The following COQ8A variants were observed in gnomAD, a reference collection of about 807,000 sequenced individuals.
COQ8A encodes the protein coenzyme Q8A, also known as atypical kinase COQ8A, mitochondrial.
COQ8A carries 51 observed loss-of-function variants against 65.0 expected under a neutral mutation model. The observed-to-expected ratio is 0.78, with a 90% CI of 0.63 to 0.99. The LOEUF is 0.99. Ranked by LOEUF, COQ8A falls within the 50% of genes least tolerant of loss-of-function variation. The pLI, the probability that COQ8A is intolerant of heterozygous loss-of-function variation, is 0.00. For synonymous variants in COQ8A, 371 were observed against 353.2 expected, an observed-to-expected ratio of 1.05 and a Z score of -0.57; for missense variants, 940 against 875.0, an observed-to-expected ratio of 1.07 and a Z score of -0.94.
chr1:226,969,736 T>C (rs1658777288), intron 4 of COQ8A, among the ~76,000 whole-genome samples: 1 of 152,206 alleles, frequency 6.6e-6, no homozygotes, highest in African/African-American at 2.4e-5. Flanking sequence ...TTAATGCATA[T>C]CTATGAGCAG....
At chr1:226,940,952 C>A (rs896037775) in intron 1 of COQ8A, among the ~76,000 whole-genome samples, 3 of 152,118 alleles carry the variant, frequency 2.0e-5, no homozygotes, top group African/African-American at 7.2e-5. Context: ...CTTTTTGATC[C>A]TTTCTTCCTT....
intron 4 of COQ8A, 140 bp downstream of exon 4, chr1:226,965,877 C>G: frequency 1.2e-6 from 1 of 854,446 alleles, no homozygotes; most frequent in Non-Finnish European, 1.9e-6. Context: ...CCTGCATGAG[C>G]TTTTGGGGAG....
At chr1:226,966,292 T>C (rs950011658) in intron 4 of COQ8A, among the ~76,000 whole-genome samples, 6 of 152,066 alleles carry the variant, frequency 3.9e-5, no homozygotes, top group Non-Finnish European at 7.4e-5. Context: ...CTTTGGGGGG[T>C]TGAGTTGTCA....
intron 1 of COQ8A, among the ~76,000 whole-genome samples, chr1:226,960,203 TTGGTGG>T (rs757516723): frequency 1.4e-5 from 2 of 141,762 alleles, no homozygotes; most frequent in African/African-American, 2.7e-5. Flanking sequence ...GTGGTGGTAC[TTGGTGG>T]TGGTGGTGGT....
At chr1:226,982,238 G>C (rs1050149675) in intron 6 of COQ8A, 89 bp downstream of exon 6, 3 of 1,507,148 alleles carry the variant, frequency 2.0e-6, no homozygotes, top group African/African-American at 1.4e-5. Context: ...CCCCACCAAA[G>C]CTCAGTGGGC....
chr1:226,982,860 A>G, intron 7 of COQ8A, 34 bp from the exon 8 acceptor site: 4 of 1,612,588 alleles, frequency 2.5e-6, no homozygotes, highest in Non-Finnish European at 3.4e-6. Flanking sequence ...CAGGCAGGGC[A>G]TGCTCAGAGC....
intron 14 of COQ8A, among the ~76,000 whole-genome samples, chr1:226,986,045 G>T (rs1660088805): frequency 6.6e-6 from 1 of 152,218 alleles, no homozygotes; most frequent in Non-Finnish European, 1.5e-5. Flanking sequence ...TCCTTAGGTT[G>T]CTAGTTCCCG....
At chr1:226,960,977 A>G (rs1268579295) in intron 1 of COQ8A, among the ~76,000 whole-genome samples, 3 of 152,064 alleles carry the variant, frequency 2.0e-5, no homozygotes, top group East Asian at 1.9e-4. Context: ...TCCTCTCCCA[A>G]CAGGCAGTTT....
At position 226,944,520 on chromosome 1, in the gene COQ8A, G is replaced by T. The variant is rs188642123; in HGVS notation, c.-10+4121G>T. 2.1e-4 allele frequency among the ~76,000 whole-genome samples: 32 copies of T among 151,950 alleles called. 1 individual carries two copies. Among genetic ancestry groups the T allele is most frequent in the African/African-American group, 7.7e-4 (32 of 41,430 alleles). On this transcript the variant is annotated intron_variant, in intron 1 of 14. Coordinates refer to ENST00000366777, the MANE Select transcript of COQ8A (RefSeq NM_020247.5). The stretch of plus-strand genomic sequence containing the variant: ...GAGATTGGACAGAGGCAGGGGAAGG[G>T]TCTGAGAGATGTGGCCAAGAATGTG...
intron 1 of COQ8A, among the ~76,000 whole-genome samples, chr1:226,952,934 AGAT>A (rs1657475794): frequency 6.6e-6 from 1 of 152,188 alleles, no homozygotes; most frequent in African/African-American, 2.4e-5. Flanking sequence ...CCAAAAGGAA[AGAT>A]GATAGTTTTG....
chr1:226,954,035 G>T (rs1308640747), intron 1 of COQ8A, among the ~76,000 whole-genome samples: 1 of 152,234 alleles, frequency 6.6e-6, no homozygotes, highest in Non-Finnish European at 1.5e-5. Flanking sequence ...GAATGTTCAT[G>T]CCCAAAGTGA....
chr1:226,981,167 A>G (rs143564854), intron 5 of COQ8A, among the ~76,000 whole-genome samples: 39 of 152,320 alleles, frequency 2.6e-4, no homozygotes, highest in Admixed American at 5.2e-4. Context: ...AGGTGGAAAG[A>G]CTTGGAGCCC....
At chr1:226,967,655 A>G (rs1413386421) in intron 4 of COQ8A, among the ~76,000 whole-genome samples, 1 of 152,068 alleles carries the variant, frequency 6.6e-6, no homozygotes, top group Admixed American at 6.5e-5. Flanking sequence ...AAAGGTAGAG[A>G]GCTCTCCTCA....
At chr1:226,957,623 A>G (rs1236305176) in intron 1 of COQ8A, among the ~76,000 whole-genome samples, 1 of 152,094 alleles carries the variant, frequency 6.6e-6, no homozygotes, top group Non-Finnish European at 1.5e-5. Flanking sequence ...CCTCAGAGTA[A>G]AATTCCTTCC....
chr1:226,960,103 T>TTGG (rs765028878), intron 1 of COQ8A, among the ~76,000 whole-genome samples: 1 of 137,802 alleles, frequency 7.3e-6, no homozygotes, highest in African/African-American at 2.8e-5. Flanking sequence ...GTGATGGTAC[T>TTGG]TGGTGGTGGT....
intron 4 of COQ8A, among the ~76,000 whole-genome samples, chr1:226,971,748 CTT>C (rs1212795279): frequency 2.6e-5 from 4 of 151,872 alleles, no homozygotes; most frequent in Non-Finnish European, 5.9e-5. Flanking sequence ...AAAGTTATGT[CTT>C]ATTTCTTTTC....
Position 226,941,585 on chromosome 1 carries a change from G to T in COQ8A, c.-10+1186G>T, listed in dbSNP as rs183999268. On this transcript the variant is annotated intron_variant, in intron 1 of 14. Coordinates refer to ENST00000366777, the MANE Select transcript of COQ8A (RefSeq NM_020247.5). ...AGTTCGAGACCAGCCTGGCCAAAATGGTGAAACCCCGTCTCTACCGAAAAA... is the reference window on the plus strand; with the variant it reads ...AGTTCGAGACCAGCCTGGCCAAAATTGTGAAACCCCGTCTCTACCGAAAAA... Among the ~76,000 whole-genome samples, 603 of 151,976 alleles carry T rather than the reference G, an allele frequency of 4.0e-3. 1 individual carries two copies. The highest frequency in any genetic ancestry group is 0.013 in the African/African-American group (557 of 41,408).
rs1304737029 is a variant in COQ8A at position 226,949,287 on chromosome 1, C to G, written c.-10+8888C>G. Among the ~76,000 whole-genome samples the G allele has an allele frequency of 6.6e-6, 1 of 151,978 alleles. No individual in the cohort carries two copies. The highest frequency in any genetic ancestry group is 1.5e-5 in the Non-Finnish European group (1 of 68,032). The stretch of plus-strand genomic sequence containing the variant: ...TTTATATATATGTCTACATACATGT[C>G]TACAGGTAGAGGAGCCATTTGAGCA... On this transcript the variant is annotated intron_variant, in intron 1 of 14. Transcript: ENST00000366777. This position sits in a 1 kb window ranked among gnomAD's most constrained non-coding sequence, Gnocchi z 4.0.
At chr1:226,963,572 G>A (rs1466429888) in intron 2 of COQ8A, among the ~76,000 whole-genome samples, 1 of 152,186 alleles carries the variant, frequency 6.6e-6, no homozygotes. Flanking sequence ...TTCCCTGGGG[G>A]CTCTGTGAAT....
Sources: allele counts gnomAD v4.1 joint callset (sites outside exome capture counted in the v4.1 genomes callset), GRCh38; gene constraint gnomAD v4.1.1; non-coding constraint Gnocchi (gnomAD v3.1); transcripts MANE v1.5; gene names NCBI Gene and HGNC (gene_info 2026-07-23, HGNC 2026-07-21).